The following CTNNA3 variants were observed in gnomAD, a reference collection of about 807,000 sequenced individuals.
CTNNA3 encodes catenin alpha 3.
A neutral mutation model predicts 95.7 loss-of-function variants in CTNNA3; 76 were observed. The observed-to-expected ratio is 0.79, with a 90% CI of 0.66 to 0.96. The LOEUF (loss-of-function observed/expected upper bound fraction) is 0.96. Ranked by LOEUF, CTNNA3 falls within the 40% of genes least tolerant of loss-of-function variation. The probability of loss-of-function intolerance (pLI) is 0.00; values close to 1 mark genes in which losing one functional copy is unlikely to be tolerated. For synonymous variants in CTNNA3, 431 were observed against 374.4 expected, an observed-to-expected ratio of 1.15 and a Z score of -1.74; for missense variants, 1,191 against 1,089.8, an observed-to-expected ratio of 1.09 and a Z score of -1.31.
intron 9 of CTNNA3, among the ~76,000 whole-genome samples, chr10:66,629,958 G>C (rs542998751): frequency 6.6e-6 from 1 of 152,030 alleles, no homozygotes; most frequent in East Asian, 1.9e-4. Flanking sequence ...TGAAACTTCT[G>C]CCCACCTAAG....
At chr10:66,870,652 C>T (rs1844359694) in intron 7 of CTNNA3, among the ~76,000 whole-genome samples, 1 of 152,168 alleles carries the variant, frequency 6.6e-6, no homozygotes, top group Non-Finnish European at 1.5e-5. Context: ...TCTGCTTAAT[C>T]TAATTTCACC....
At chr10:67,300,174 G>A (rs886156253) in intron 5 of CTNNA3, among the ~76,000 whole-genome samples, 3 of 152,076 alleles carry the variant, frequency 2.0e-5, no homozygotes, top group Non-Finnish European at 4.4e-5. Flanking sequence ...TTAAAAAACC[G>A]CTCCCCCCAC....
chr10:67,699,599 A>C (rs1841017702), upstream of CTNNA3, among the ~76,000 whole-genome samples: 1 of 152,200 alleles, frequency 6.6e-6, no homozygotes, highest in Non-Finnish European at 1.5e-5. Flanking sequence ...TAGACATTTC[A>C]CTCAGGGATT....
At chr10:67,588,510 T>C (rs1589459274) in intron 3 of CTNNA3, among the ~76,000 whole-genome samples, 2 of 150,270 alleles carry the variant, frequency 1.3e-5, no homozygotes, top group South Asian at 4.2e-4. Flanking sequence ...AAGTTATTAG[T>C]GGAGACTGTA....
chr10:66,548,646 G>T (rs1373902941), intron 10 of CTNNA3, among the ~76,000 whole-genome samples: 1 of 151,928 alleles, frequency 6.6e-6, no homozygotes, highest in Non-Finnish European at 1.5e-5. Flanking sequence ...ATATTTTTCT[G>T]CATGTATTCA....
intron 6 of CTNNA3, among the ~76,000 whole-genome samples, chr10:67,213,494 T>C (rs1864226270): frequency 6.6e-6 from 1 of 151,784 alleles, no homozygotes; most frequent in South Asian, 2.1e-4. Flanking sequence ...CTGGGTTTTT[T>C]ATATTGTCTG....
intron 9 of CTNNA3, among the ~76,000 whole-genome samples, chr10:66,703,055 G>C (rs1229807852): frequency 6.6e-6 from 1 of 152,094 alleles, no homozygotes; most frequent in Non-Finnish European, 1.5e-5. Context: ...ACTTCTGCTA[G>C]CCTAGGGAAA....
intron 11 of CTNNA3, among the ~76,000 whole-genome samples, chr10:66,502,432 A>G (rs1840307614): frequency 6.6e-6 from 1 of 152,148 alleles, no homozygotes; most frequent in Non-Finnish European, 1.5e-5. Context: ...ATCTACCTCA[A>G]TAATAACATG....
chr10:67,401,595 C>T (rs144645925), intron 5 of CTNNA3, among the ~76,000 whole-genome samples: 19 of 152,146 alleles, frequency 1.2e-4, no homozygotes, highest in Middle Eastern at 3.4e-3. Flanking sequence ...AAGGGAGCCC[C>T]GTGGCCCCAA....
intron 5 of CTNNA3, among the ~76,000 whole-genome samples, chr10:67,504,011 G>T (rs2133110550): frequency 6.6e-6 from 1 of 151,230 alleles, no homozygotes; most frequent in South Asian, 2.1e-4. Context: ...CAAAAAATCA[G>T]CTGGGCATGG....
chr10:66,585,146 T>C (rs1770322340), intron 10 of CTNNA3, among the ~76,000 whole-genome samples: 1 of 152,170 alleles, frequency 6.6e-6, no homozygotes, highest in South Asian at 2.1e-4. Flanking sequence ...GATAGCCTGA[T>C]GAGTATATGC....
chr10:65,960,138 T>A lies in CTNNA3; in HGVS notation c.2400+6474A>T, dbSNP rs77216972. On this transcript the variant is annotated intron_variant, in intron 17 of 17. Transcript: ENST00000433211. ...ACTACTCTTTCCATTTTACCAAACATGGGATTTATCAGCAAGAAATTCTTC... is the reference window on the plus strand; with the variant it reads ...ACTACTCTTTCCATTTTACCAAACAAGGGATTTATCAGCAAGAAATTCTTC... Among the ~76,000 whole-genome samples, 558 of 152,322 alleles carry A rather than the reference T, an allele frequency of 3.7e-3. 7 individuals are homozygous for A. Among genetic ancestry groups the A allele is most frequent in the East Asian group, 0.024 (124 of 5,184 alleles).
chr10:66,214,584 G>T (rs906183673), intron 13 of CTNNA3, among the ~76,000 whole-genome samples: 27 of 152,060 alleles, frequency 1.8e-4, no homozygotes, highest in African/African-American at 6.5e-4. Flanking sequence ...AGCAGCTTCT[G>T]ATTTTCTACA....
intron 10 of CTNNA3, among the ~76,000 whole-genome samples, chr10:66,539,793 G>A (rs988526353): frequency 6.6e-6 from 1 of 152,084 alleles, no homozygotes; most frequent in Non-Finnish European, 1.5e-5. Context: ...TCACCTGGGA[G>A]CTTGTTAGAC....
chr10:66,082,484 G>C (rs1054621816), intron 14 of CTNNA3, among the ~76,000 whole-genome samples: 2 of 152,102 alleles, frequency 1.3e-5, no homozygotes, highest in African/African-American at 4.8e-5. Flanking sequence ...AGGGGACTAG[G>C]AGATGTAACA....
At chr10:66,353,320 G>A (rs1222678878) in intron 12 of CTNNA3, among the ~76,000 whole-genome samples, 2 of 151,764 alleles carry the variant, frequency 1.3e-5, no homozygotes, top group East Asian at 1.9e-4. Flanking sequence ...ACTGCTTCAG[G>A]GCCCACAGAA....
rs541310219 is a variant in CTNNA3, at chr10:66,783,712, C to T, written c.1048-8188G>A. 3.3e-5 allele frequency among the ~76,000 whole-genome samples: 5 copies of T among 152,302 alleles called. No individual in the cohort carries two copies. In the South Asian group the frequency reaches 1.0e-3, roughly 32 times the overall value. On this transcript the variant is annotated intron_variant, in intron 7 of 17. Coordinates refer to ENST00000433211, the MANE Select transcript of CTNNA3 (RefSeq NM_013266.4). ...TCTAATAAGCAATGACATAGCATTA[C>T]ACACATAGACCAAATAAATTATTTT...
chr10:67,055,319 A>C (rs1409892976), intron 7 of CTNNA3, among the ~76,000 whole-genome samples: 6 of 152,206 alleles, frequency 3.9e-5, no homozygotes, highest in African/African-American at 1.4e-4. Flanking sequence ...TTATTGGAAC[A>C]AACTCATTAA....
At chr10:67,370,579 G>A (rs1414961997) in intron 5 of CTNNA3, among the ~76,000 whole-genome samples, 1 of 152,120 alleles carries the variant, frequency 6.6e-6, no homozygotes, top group Non-Finnish European at 1.5e-5. Context: ...TTTTACATCT[G>A]TAGGTTAGGA....
Sources: gnomAD v4.1 joint callset for allele counts (sites outside exome capture counted in the v4.1 genomes callset) on GRCh38, gnomAD v4.1.1 for gene constraint, MANE v1.5 for transcripts, NCBI Gene and HGNC (gene_info 2026-07-23, HGNC 2026-07-21) for gene names.